Variants in IMMP2L observed in about 807,000 individuals in gnomAD.
IMMP2L encodes the protein mitochondrial inner membrane protease subunit 2.
A neutral mutation model predicts 19.3 loss-of-function variants in IMMP2L; 18 were observed. The observed-to-expected ratio is 0.93, with a 90% confidence interval of 0.64 to 1.38. The LOEUF (loss-of-function observed/expected upper bound fraction) is 1.38, where lower values mean the gene tolerates loss of function less well. IMMP2L is among the 40% of genes most tolerant of loss of function. The pLI is 0.00. For synonymous variants in IMMP2L, 76 were observed against 73.0 expected (o/e 1.04, Z -0.21); for missense variants, 233 against 218.2 (o/e 1.07, Z -0.43).
chr7:111,121,042 G>A (rs1800547184), intron 3 of IMMP2L, among the ~76,000 whole-genome samples: 1 of 151,338 alleles, frequency 6.6e-6, no homozygotes, highest in Admixed American at 6.6e-5. Context: ...AAAATTACAA[G>A]GTATAAACAA....
At position 110,844,524 on chromosome 7, in the gene IMMP2L, G is replaced by A. The variant is rs182441420; in HGVS notation, c.408+42069C>T. 2.1e-3 allele frequency among the ~76,000 whole-genome samples: 324 copies of A among 151,902 alleles called. 2 individuals are homozygous for A. The highest frequency in any genetic ancestry group is 7.2e-3 in the African/African-American group (300 of 41,410). The stretch of plus-strand genomic sequence containing the variant: ...GGAGAAGGGTAAGCTTGTAACAAAC[G>A]GATGGGGGTCTTTTATATGCTAAGG... On this transcript the variant is annotated intron_variant, in intron 5 of 5. Transcript: ENST00000405709.
intron 4 of IMMP2L, among the ~76,000 whole-genome samples, chr7:110,930,814 C>A (rs1403807812): frequency 6.6e-6 from 1 of 152,144 alleles, no homozygotes; most frequent in Non-Finnish European, 1.5e-5. Flanking sequence ...TTAGTTATTA[C>A]ATGGGAATGT....
intron 2 of IMMP2L, among the ~76,000 whole-genome samples, chr7:111,512,397 G>T (rs1585443633): frequency 6.6e-6 from 1 of 152,068 alleles, no homozygotes; most frequent in Middle Eastern, 3.4e-3. Context: ...CAAGCATAAG[G>T]TTCCTTTCTC....
chr7:110,899,590 T>C (rs935170674), intron 4 of IMMP2L, among the ~76,000 whole-genome samples: 3 of 152,186 alleles, frequency 2.0e-5, no homozygotes, highest in Admixed American at 2.0e-4. Flanking sequence ...CATGAACCTA[T>C]ATTACAAACC....
intron 3 of IMMP2L, among the ~76,000 whole-genome samples, chr7:111,096,826 G>A (rs1199268345): frequency 6.6e-6 from 1 of 151,804 alleles, no homozygotes; most frequent in Non-Finnish European, 1.5e-5. Context: ...CACTAAATAA[G>A]ATAAAAATAC....
At chr7:110,907,810 A>G (rs564247683) in intron 4 of IMMP2L, among the ~76,000 whole-genome samples, 49 of 152,264 alleles carry the variant, frequency 3.2e-4, no homozygotes, top group African/African-American at 1.2e-3. Flanking sequence ...GAGTACTCAG[A>G]TTTGCATTTC....
At chr7:110,698,871 T>C (rs556019325) in intron 5 of IMMP2L, among the ~76,000 whole-genome samples, 1 of 152,358 alleles carries the variant, frequency 6.6e-6, no homozygotes, top group East Asian at 1.9e-4. Flanking sequence ...CTTGATAGTC[T>C]ATGGCCTTGT....
intron 3 of IMMP2L, among the ~76,000 whole-genome samples, chr7:111,193,794 G>A (rs918624425): frequency 8.6e-5 from 13 of 152,008 alleles, no homozygotes; most frequent in Admixed American, 7.9e-4. Flanking sequence ...TATTTTTAGC[G>A]ATATAATTTA....
chr7:111,060,606 G>C (rs562568400), intron 3 of IMMP2L, among the ~76,000 whole-genome samples: 2 of 152,280 alleles, frequency 1.3e-5, no homozygotes, highest in East Asian at 3.9e-4. Flanking sequence ...AGTTATCTCA[G>C]CTTTCTAAGC....
intron 4 of IMMP2L, among the ~76,000 whole-genome samples, chr7:110,940,210 T>C (rs764592593): frequency 5.9e-5 from 9 of 151,884 alleles, no homozygotes; most frequent in South Asian, 2.1e-4. Flanking sequence ...TCCTAGCTTA[T>C]TGGGAGGGTG....
chr7:110,713,539 T>C (rs1178769716), intron 5 of IMMP2L, among the ~76,000 whole-genome samples: 2 of 152,236 alleles, frequency 1.3e-5, no homozygotes, highest in East Asian at 3.9e-4. Flanking sequence ...TTCCAATCAA[T>C]GAGCATAGGA....
intron 3 of IMMP2L, among the ~76,000 whole-genome samples, chr7:111,025,865 G>A (rs1023639020): frequency 1.3e-5 from 2 of 152,088 alleles, no homozygotes; most frequent in African/African-American, 4.8e-5. Flanking sequence ...GTTTCCTCAG[G>A]AATGGAGTTT....
At chr7:111,515,181 C>G (rs2529486) in intron 2 of IMMP2L, among the ~76,000 whole-genome samples, 10,561 of 152,076 alleles carry the variant, frequency 0.069, 442 homozygotes, top group African/African-American at 0.097. Flanking sequence ...CTGCATGTGC[C>G]CAGGGAATTT....
chr7:110,849,257 TAAAAAAACTC>T (rs1805967073), intron 5 of IMMP2L, among the ~76,000 whole-genome samples: 1 of 152,178 alleles, frequency 6.6e-6, no homozygotes, highest in Admixed American at 6.6e-5. Flanking sequence ...TTACTAATTT[TAAAAAAACTC>T]AGTGTACATA....
At chr7:110,755,296 A>G (rs909566258) in intron 5 of IMMP2L, among the ~76,000 whole-genome samples, 4 of 152,126 alleles carry the variant, frequency 2.6e-5, no homozygotes, top group Non-Finnish European at 5.9e-5. Flanking sequence ...ATTCAAAAGT[A>G]ACTTTCTTCA....
At chr7:111,257,340 T>C (rs1249003384) in intron 3 of IMMP2L, among the ~76,000 whole-genome samples, 2 of 152,140 alleles carry the variant, frequency 1.3e-5, no homozygotes, top group African/African-American at 2.4e-5. Flanking sequence ...GACAGACTGA[T>C]TCAGGTCACC....
intron 3 of IMMP2L, among the ~76,000 whole-genome samples, chr7:111,323,002 T>A (rs997437771): frequency 6.6e-6 from 1 of 151,800 alleles, no homozygotes. Context: ...CTCCCACATT[T>A]GCAAACTCTT....
intron 4 of IMMP2L, 68 bp from the exon 5 acceptor site, chr7:110,886,763 T>C (rs1258971862): frequency 1.4e-6 from 1 of 730,960 alleles, no homozygotes; most frequent in Non-Finnish European, 2.4e-6. Context: ...GCATACAAAC[T>C]TAGGAATGGT....
At chr7:110,704,146 T>A (rs1419876453) in intron 5 of IMMP2L, among the ~76,000 whole-genome samples, 1 of 152,196 alleles carries the variant, frequency 6.6e-6, no homozygotes, top group Non-Finnish European at 1.5e-5. Flanking sequence ...CTTTATGAGT[T>A]ACTTACCAAA....
Sources: allele counts gnomAD v4.1 joint callset (sites outside exome capture counted in the v4.1 genomes callset), GRCh38; gene constraint gnomAD v4.1.1; transcripts MANE v1.5; gene names NCBI Gene and HGNC (gene_info 2026-07-23, HGNC 2026-07-21).